EPHA4: variants seen among roughly 807,000 people sequenced by gnomAD.
EPHA4 encodes EPH receptor A4, also known as ephrin type-A receptor 4.
A neutral mutation model predicts 108.3 loss-of-function variants in EPHA4; 19 were observed. The observed-to-expected ratio is 0.18, with a 90% CI of 0.12 to 0.26. The LOEUF (loss-of-function observed/expected upper bound fraction) is 0.26. EPHA4 is among the 10% of genes least tolerant of loss of function. EPHA4 has a pLI of 1.00. For synonymous variants in EPHA4, 449 were observed against 455.5 expected (o/e 0.99, Z 0.18); for missense variants, 917 against 1,254.0 (o/e 0.73, Z 4.06).
rs1417597832 is a variant in EPHA4 at position 221,455,588 on chromosome 2, C to T, written c.1674G>A (p.Val558=). The T allele has an allele frequency of 1.2e-6, 2 of 1,613,844 alleles. No individual in the cohort carries two copies. Among genetic ancestry groups the T allele is most frequent in the African/African-American group, 1.3e-5 (1 of 74,904 alleles). ...VLLVSVSGSV[V]LVVILIAAFV... ...AAGCTGCAATGAGAATTACCACCAG[C>T]ACCACACTGCCCGAGACAGAGACCA... The change falls in exon 8 of 18, where the codon GTG becomes GTA. Residue 558 remains valine (V), a synonymous_variant. Coordinates refer to ENST00000281821, the MANE Select transcript of EPHA4 (RefSeq NM_004438.5).
intron 17 of EPHA4, among the ~76,000 whole-genome samples, chr2:221,423,469 G>A (rs1162063179): frequency 6.6e-6 from 1 of 152,196 alleles, no homozygotes; most frequent in Non-Finnish European, 1.5e-5. Context: ...CACTTGGAAA[G>A]TCCTTTTTTG....
intron 4 of EPHA4, among the ~76,000 whole-genome samples, chr2:221,491,952 T>G (rs1420938314): frequency 1.3e-5 from 2 of 151,906 alleles, no homozygotes; most frequent in African/African-American, 2.4e-5. Context: ...GAGGTGGAAG[T>G]TGCAGTGAGC....
intron 3 of EPHA4, among the ~76,000 whole-genome samples, chr2:221,553,956 A>G (rs1379803400): frequency 6.6e-6 from 1 of 152,200 alleles, no homozygotes; most frequent in African/African-American, 2.4e-5. Flanking sequence ...ATATCTGTAA[A>G]CGGAAGGGAA....
At chr2:221,478,112 T>C (rs1691712785) in intron 5 of EPHA4, among the ~76,000 whole-genome samples, 1 of 151,952 alleles carries the variant, frequency 6.6e-6, no homozygotes, top group African/African-American at 2.4e-5. Context: ...CGCCAGAATA[T>C]GGTCCAGCCT....
At chr2:221,428,213 G>T (rs1689968907) in intron 15 of EPHA4, among the ~76,000 whole-genome samples, 1 of 152,154 alleles carries the variant, frequency 6.6e-6, no homozygotes, top group Non-Finnish European at 1.5e-5. Context: ...GCACCGACAA[G>T]GTCAAAATGA....
Position 221,501,078 on chromosome 2 carries a change from C to T in EPHA4, c.918G>A (p.Ser306=), listed in dbSNP as rs527454545. The change falls in exon 4 of 18, where the codon TCG becomes TCA. Residue 306 remains serine (S), a synonymous_variant. Coordinates refer to ENST00000281821, the MANE Select transcript of EPHA4 (RefSeq NM_004438.5). ...TGAAAAAGCCTCGGTCACAGGTGCACGAGGTGGCTCCTTCCCAGACAGAGT... is the reference window on the plus strand; with the variant it reads ...TGAAAAAGCCTCGGTCACAGGTGCATGAGGTGGCTCCTTCCCAGACAGAGT... The part of the protein sequence containing the change: ...HSYSVWEGAT[S]CTCDRGFFRA... The T allele has an allele frequency of 3.1e-4, 502 of 1,613,468 alleles. 2 individuals are homozygous for T. Among genetic ancestry groups the T allele is most frequent in the South Asian group, 2.7e-3 (242 of 90,962 alleles).
intron 3 of EPHA4, among the ~76,000 whole-genome samples, chr2:221,535,465 A>G (rs1010327442): frequency 1.3e-5 from 2 of 152,232 alleles, no homozygotes; most frequent in African/African-American, 4.8e-5. Context: ...TTGACTTTCT[A>G]GAACAGTCCC....
At chr2:221,445,877 G>A (rs1690578520) in intron 9 of EPHA4, among the ~76,000 whole-genome samples, 1 of 151,794 alleles carries the variant, frequency 6.6e-6, no homozygotes, top group African/African-American at 2.4e-5. Context: ...ACTTTCTTAG[G>A]GTAGAGGATA....
At chr2:221,436,101 G>A (rs1198121807) in intron 13 of EPHA4, among the ~76,000 whole-genome samples, 2 of 151,778 alleles carry the variant, frequency 1.3e-5, no homozygotes, top group East Asian at 1.9e-4. Context: ...TTAAGACACC[G>A]TCTTATTGTT....
chr2:221,442,014 A>G (rs1690444188), intron 11 of EPHA4, among the ~76,000 whole-genome samples: 1 of 152,176 alleles, frequency 6.6e-6, no homozygotes, highest in Admixed American at 6.5e-5. Flanking sequence ...CGCTGACTGA[A>G]GATGCTTTCC....
chr2:221,443,663 T>C, intron 9 of EPHA4, 57 bp from the exon 10 acceptor site: 2 of 1,272,506 alleles, frequency 1.6e-6, no homozygotes, highest in East Asian at 2.3e-5. Flanking sequence ...CTAATAAACA[T>C]AAATAGTCTG....
chr2:221,567,010 A>AAGAAGAAGAAGAAGAAGAAGAAGAAGAAG (rs199501239), intron 2 of EPHA4, among the ~76,000 whole-genome samples: 1 of 113,286 alleles, frequency 8.8e-6, no homozygotes, highest in Admixed American at 8.2e-5. Flanking sequence ...GAAGAAGAAG[A>AAGAAGAAGAAGAAGAAGAAGAAGAAGAAG]AAAAAATGTC....
chr2:221,546,235 C>A (rs1693994127), intron 3 of EPHA4, among the ~76,000 whole-genome samples: 1 of 152,086 alleles, frequency 6.6e-6, no homozygotes, highest in African/African-American at 2.4e-5. Flanking sequence ...CAAGTTTGAT[C>A]TAATTCCGAA....
rs75459368 is a variant in EPHA4, at chr2:221,460,130, T to C, written c.1319-2140A>G. 5.9e-3 allele frequency among the ~76,000 whole-genome samples: 896 copies of C among 152,278 alleles called. 12 individuals are homozygous for C. Among genetic ancestry groups the C allele is most frequent in the African/African-American group, 0.02 (836 of 41,556 alleles). Reference sequence around the variant, plus strand: ...AATCTCAAGCAGGGAGTTAGCAATATAATCACGTTAACTCATAGAGTATTT... The same window carrying C: ...AATCTCAAGCAGGGAGTTAGCAATACAATCACGTTAACTCATAGAGTATTT... On this transcript the variant is annotated intron_variant, in intron 5 of 17. Coordinates refer to ENST00000281821, the MANE Select transcript of EPHA4 (RefSeq NM_004438.5).
At chr2:221,443,661 CATAA>C (rs1434890747) in intron 9 of EPHA4, 55 bp from the exon 10 acceptor site, 2 of 1,277,406 alleles carry the variant, frequency 1.6e-6, no homozygotes, top group East Asian at 2.3e-5. Flanking sequence ...CACTAATAAA[CATAA>C]ATAGTCTGGG....
intron 3 of EPHA4, among the ~76,000 whole-genome samples, chr2:221,545,129 A>C (rs538266531): frequency 1.3e-5 from 2 of 152,340 alleles, no homozygotes; most frequent in South Asian, 4.1e-4. Context: ...TTTTCTACAA[A>C]GTCAAATTCA....
intron 3 of EPHA4, among the ~76,000 whole-genome samples, chr2:221,549,503 AG>A (rs1694098882): frequency 6.6e-6 from 1 of 152,208 alleles, no homozygotes; most frequent in African/African-American, 2.4e-5. Flanking sequence ...CAGCTCAGAG[AG>A]GCTGCATCCA....
chr2:221,475,362 T>C (rs62180587), intron 5 of EPHA4, among the ~76,000 whole-genome samples: 31,164 of 152,170 alleles, frequency 0.2, 3,445 homozygotes, highest in East Asian at 0.35. Flanking sequence ...ATCCTAATTA[T>C]TTTAGTTAAT....
At chr2:221,451,846 C>T (rs1273665813) in intron 8 of EPHA4, among the ~76,000 whole-genome samples, 2 of 152,094 alleles carry the variant, frequency 1.3e-5, no homozygotes, top group African/African-American at 4.8e-5. Context: ...ATTCTTTCAC[C>T]GCGATCCCTA....
Sources: allele counts gnomAD v4.1 joint callset (sites outside exome capture counted in the v4.1 genomes callset), GRCh38; gene constraint gnomAD v4.1.1; transcripts MANE v1.5; gene names NCBI Gene and HGNC (gene_info 2026-07-23, HGNC 2026-07-21).